Variants in CDHR3 observed in about 807,000 individuals in gnomAD.
CDHR3 encodes the protein cadherin-related family member 3.
CDHR3 carries 79 observed loss-of-function variants against 86.6 expected under a neutral mutation model. The observed-to-expected ratio is 0.91, with a 90% CI of 0.76 to 1.10. The LOEUF (loss-of-function observed/expected upper bound fraction) is 1.10. CDHR3 is among the 50% of genes least tolerant of loss of function. The pLI is 0.00. For missense variants in CDHR3, 1,081 were observed against 1,077.6 expected, an observed-to-expected ratio of 1.00 and a Z score of -0.04; for synonymous variants, 421 against 402.4, an observed-to-expected ratio of 1.05 and a Z score of -0.55.
Position 106,036,420 on chromosome 7 carries a change from G to A in CDHR3, c.*3723G>A, listed in dbSNP as rs918380506. On this transcript the variant is annotated 3_prime_UTR_variant, in exon 19 of 19. Coordinates refer to ENST00000317716, the MANE Select transcript of CDHR3 (RefSeq NM_152750.5). Reference sequence around the variant, plus strand: ...CTTCGTATTCATTCAATAAATATCTGTGGAGCAACTACCATGTGCCAAGCG... The same window carrying A: ...CTTCGTATTCATTCAATAAATATCTATGGAGCAACTACCATGTGCCAAGCG... 3.3e-5 allele frequency: 5 copies of A among 152,102 alleles called. No individual in the cohort carries two copies. The highest frequency in any genetic ancestry group is 3.3e-4 in the Admixed American group (5 of 15,266). The allele number at this position is 152,102 out of a possible 1,614,324, so 9.4% of individuals were successfully genotyped here.
chr7:105,977,616 A>G (rs889182833), intron 2 of CDHR3, among the ~76,000 whole-genome samples: 3 of 152,178 alleles, frequency 2.0e-5, no homozygotes, highest in South Asian at 2.1e-4. Context: ...AAACTACCCA[A>G]CGTCCTCTAC....
In CDHR3 at chr7:106,010,866, T is replaced by C. The variant is rs369993002; in HGVS notation, c.1053-1994T>C. On this transcript the variant is annotated intron_variant, in intron 8 of 18. Transcript: ENST00000317716. Reference sequence around the variant, plus strand: ...TGAAGGAAAGAGGGAGAAAAGGTAGTTGGACATATTCTAGGCTGCCATGCA... The same window carrying C: ...TGAAGGAAAGAGGGAGAAAAGGTAGCTGGACATATTCTAGGCTGCCATGCA... Among the ~76,000 whole-genome samples, 6 of 152,308 alleles carry C rather than the reference T, an allele frequency of 3.9e-5. No homozygotes were observed. In the East Asian group the frequency reaches 1.2e-3, roughly 29 times the overall value.
At chr7:106,011,115 T>C (rs916785054) in intron 8 of CDHR3, among the ~76,000 whole-genome samples, 1 of 152,168 alleles carries the variant, frequency 6.6e-6, no homozygotes, top group East Asian at 1.9e-4. Context: ...ACGATATATT[T>C]TTGTAAGAAA....
intron 9 of CDHR3, 115 bp downstream of exon 9, chr7:106,013,146 T>A: frequency 1.1e-6 from 1 of 890,104 alleles, no homozygotes. Context: ...TCAGAGCGAC[T>A]GTAACTGACA....
In CDHR3 at chr7:106,015,196, C is replaced by T. The variant is rs765067088; in HGVS notation, c.1310C>T (p.Ala437Val). The change falls in exon 10 of 19, where the codon GCC becomes GTC. Residue 437 changes from alanine to valine, a missense_variant. Coordinates refer to ENST00000317716, the MANE Select transcript of CDHR3 (RefSeq NM_152750.5). ...YTVIIQVQDV[A>V]PPYYKNNVYV... ...GTGATAATCCAGGTGCAGGATGTGG[C>T]CCCCCCTTACTATAAAAGCAAGTAT... The T allele has an allele frequency of 6.2e-6, 10 of 1,605,678 alleles. No homozygotes were observed. Among genetic ancestry groups the T allele is most frequent in the Middle Eastern group, 1.6e-4 (1 of 6,080 alleles).
Position 106,001,464 on chromosome 7 carries a change from C to T in CDHR3, c.716C>T (p.Pro239Leu), listed in dbSNP as rs191593080. ...TGTCTGCTGTATCTCTGTTCCAGCC[C>T]GACACGAGTGTACACAGTCCTGGAG... ...LNDEVPRFTS[P>L]TRVYTVLEEL... Residue 239 changes from proline (P) to leucine (L), a missense_variant and splice_region_variant, in exon 7 of 19, where the codon CCG becomes CTG. Physicochemically the swap from Pro to Leu is moderately conservative, Grantham distance 98. Transcript: ENST00000317716. 96 of 1,613,708 alleles carry T rather than the reference C, an allele frequency of 5.9e-5. No homozygotes were observed. The African/African-American group carries it at 8.7e-4, about 15-fold the overall frequency.
At position 106,014,981 on chromosome 7, in the gene CDHR3, A is replaced by G. The variant is rs535580709; in HGVS notation, c.1225-130A>G. 2.3e-5 allele frequency: 15 copies of G among 647,854 alleles called. No individual in the cohort carries two copies. The East Asian group carries it at 3.3e-4, about 14-fold the overall frequency. 40.1% of individuals were successfully genotyped at this position (647,854 alleles called of 1,614,324 possible). A position where few individuals can be genotyped will look rare whatever the true frequency, so the allele number is the denominator to read the frequency against. On this transcript the variant is annotated intron_variant, in intron 9 of 18. Transcript: ENST00000317716. ...TAACTTTTTAAAGCTCCTAATTTTT[A>G]TGGGCAAAGTGTTTGCCAAAAGCGT...
chr7:105,994,134 G>A (rs1403578160), intron 4 of CDHR3, among the ~76,000 whole-genome samples: 1 of 152,172 alleles, frequency 6.6e-6, no homozygotes, highest in East Asian at 1.9e-4. Context: ...TGATGCTCAT[G>A]CATTTTGCGC....
chr7:105,966,237 C>T (rs1826905018), intron 1 of CDHR3, among the ~76,000 whole-genome samples: 2 of 152,166 alleles, frequency 1.3e-5, no homozygotes, highest in African/African-American at 4.8e-5. Flanking sequence ...TGGAAGCTGT[C>T]TATGTTTTGA....
chr7:105,981,343 G>T (rs1829702609), intron 3 of CDHR3, among the ~76,000 whole-genome samples: 1 of 152,166 alleles, frequency 6.6e-6, no homozygotes, highest in South Asian at 2.1e-4. Context: ...CACAGGCAGG[G>T]TTTCTCCTGG....
chr7:105,981,151 G>A lies in CDHR3; in HGVS notation c.415+18G>A. The A allele has an allele frequency of 6.2e-7, 1 of 1,610,658 alleles. No individual in the cohort carries two copies. The highest frequency in any genetic ancestry group is 8.5e-7 in the Non-Finnish European group (1 of 1,177,920). On this transcript the variant is annotated intron_variant, in intron 3 of 18. Coordinates refer to ENST00000317716, the MANE Select transcript of CDHR3 (RefSeq NM_152750.5). ...GGCAGAAGGTAGGATACACCAGGAT[G>A]TGCACTGCAGCCCAGACAGTGGCAT... is the stretch of plus-strand genomic sequence containing the variant.
At chr7:105,970,809 G>A (rs1021566087) in intron 1 of CDHR3, among the ~76,000 whole-genome samples, 1 of 152,090 alleles carries the variant, frequency 6.6e-6, no homozygotes, top group African/African-American at 2.4e-5. Flanking sequence ...TTTACAAATA[G>A]CAATAGAGCT....
intron 14 of CDHR3, among the ~76,000 whole-genome samples, chr7:106,024,088 A>G: frequency 6.6e-6 from 1 of 152,222 alleles, no homozygotes; most frequent in Non-Finnish European, 1.5e-5. Flanking sequence ...TATGGCAGAA[A>G]AAAAGCCAAT....
intron 1 of CDHR3, among the ~76,000 whole-genome samples, chr7:105,963,638 C>T (rs1036764650): frequency 3.3e-5 from 5 of 152,160 alleles, no homozygotes; most frequent in African/African-American, 1.2e-4. Flanking sequence ...ATTTGGTAGT[C>T]CTCCTGAGAT....
chr7:105,999,584 GC>G (rs1204262640), intron 6 of CDHR3, among the ~76,000 whole-genome samples: 2 of 152,060 alleles, frequency 1.3e-5, no homozygotes, highest in Non-Finnish European at 2.9e-5. Context: ...ACCACCCCCG[GC>G]CCCCCAGCTG....
At chr7:105,990,443 TA>T (rs1254598363) in intron 4 of CDHR3, among the ~76,000 whole-genome samples, 4 of 152,124 alleles carry the variant, frequency 2.6e-5, no homozygotes, top group Admixed American at 2.0e-4. Context: ...GAGGGTGGAA[TA>T]GGGGAAAACA....
intron 8 of CDHR3, among the ~76,000 whole-genome samples, chr7:106,006,030 G>A (rs1833899651): frequency 6.6e-6 from 1 of 152,182 alleles, no homozygotes; most frequent in African/African-American, 2.4e-5. Flanking sequence ...GGCTGGGGAA[G>A]CCTCACAATC....
intron 11 of CDHR3, 107 bp downstream of exon 11, chr7:106,016,132 G>T: frequency 1.5e-6 from 1 of 678,294 alleles, no homozygotes; most frequent in Non-Finnish European, 2.6e-6. Flanking sequence ...ATGCTGTTTT[G>T]CACAGTGATT....
At chr7:106,032,170 G>T (rs192755659) in intron 18 of CDHR3, among the ~76,000 whole-genome samples, 1 of 152,326 alleles carries the variant, frequency 6.6e-6, no homozygotes, top group Admixed American at 6.5e-5. Context: ...AGAGAGGTTT[G>T]CTGTTTGCTA....
Sources: gnomAD v4.1 joint callset for allele counts (sites outside exome capture counted in the v4.1 genomes callset) on GRCh38, gnomAD v4.1.1 for gene constraint, MANE v1.5 for transcripts, NCBI Gene and HGNC (gene_info 2026-07-23, HGNC 2026-07-21) for gene names.